The following CRTAC1 variants were observed in gnomAD, a reference collection of about 807,000 sequenced individuals.
CRTAC1 encodes the protein acidic secreted protein in cartilage.
A neutral mutation model predicts 67.8 loss-of-function variants in CRTAC1; 37 were observed. The observed-to-expected ratio is 0.55, with a 90% CI of 0.42 to 0.72. The LOEUF is 0.72. Ranked by LOEUF, CRTAC1 falls within the 30% of genes least tolerant of loss-of-function variation. The probability of loss-of-function intolerance (pLI) is 0.00; values close to 1 mark genes in which losing one functional copy is unlikely to be tolerated. For synonymous variants in CRTAC1, 348 were observed against 371.0 expected, an observed-to-expected ratio of 0.94 and a Z score of 0.71; for missense variants, 780 against 931.6, an observed-to-expected ratio of 0.84 and a Z score of 2.12.
chr10:97,944,991 C>G (rs913885932), intron 2 of CRTAC1, among the ~76,000 whole-genome samples: 2 of 152,144 alleles, frequency 1.3e-5, no homozygotes, highest in African/African-American at 4.8e-5. Flanking sequence ...TCCAGATGAG[C>G]CCTTTCCAAA....
At chr10:97,901,434 C>T (rs1344061567) in intron 8 of CRTAC1, 69 bp downstream of exon 8, 3 of 1,600,866 alleles carry the variant, frequency 1.9e-6, no homozygotes, top group African/African-American at 1.3e-5. Context: ...ATTCTTAAAC[C>T]TTCTCCCTGA....
In CRTAC1 at chr10:98,030,516, C is replaced by T. The variant is rs984741165; in HGVS notation, c.-44G>A. 4.1e-6 allele frequency: 5 copies of T among 1,230,244 alleles called. No homozygotes were observed. The highest frequency in any genetic ancestry group is 6.4e-5 in the East Asian group (2 of 31,496). The allele number at this position is 1,230,244 out of a possible 1,614,324, so 76.2% of individuals were successfully genotyped here. On this transcript the variant is annotated 5_prime_UTR_variant, in exon 1 of 15. Transcript: ENST00000370597. This position sits in a 1 kb window ranked among gnomAD's most constrained non-coding sequence, Gnocchi z 4.2. ...GCCGCCTAGGGGCGTGGGAAGCGGGCGCTCGCTGCCGCCTCTGCCGCCGGC... is the reference window on the plus strand; with the variant it reads ...GCCGCCTAGGGGCGTGGGAAGCGGGTGCTCGCTGCCGCCTCTGCCGCCGGC...
chr10:97,875,361 G>A (rs2050134970), intron 14 of CRTAC1, among the ~76,000 whole-genome samples: 3 of 152,212 alleles, frequency 2.0e-5, no homozygotes, highest in African/African-American at 7.2e-5. Context: ...TTTCCTGGAG[G>A]ATGTTTTTCT....
At chr10:98,009,126 T>C (rs1842857258) in intron 2 of CRTAC1, among the ~76,000 whole-genome samples, 2 of 152,234 alleles carry the variant, frequency 1.3e-5, no homozygotes, top group South Asian at 4.1e-4. Flanking sequence ...AATGATTCCA[T>C]TTCTCCTTTT....
chr10:97,959,641 T>C (rs1019217441), intron 2 of CRTAC1, among the ~76,000 whole-genome samples: 1 of 152,210 alleles, frequency 6.6e-6, no homozygotes, highest in Non-Finnish European at 1.5e-5. Context: ...CCTGGCCCCC[T>C]GCCACTCGGC....
At chr10:97,870,487 C>G (rs1391142181) in intron 14 of CRTAC1, 1 of 152,104 alleles carries the variant, frequency 6.6e-6, no homozygotes, top group Non-Finnish European at 1.5e-5. Flanking sequence ...CTTCTGGGAG[C>G]TCAGGATGTT....
At chr10:97,896,105 C>G in intron 9 of CRTAC1, 120 bp from the exon 10 acceptor site, 1 of 829,530 alleles carries the variant, frequency 1.2e-6, no homozygotes, top group Non-Finnish European at 2.0e-6. Context: ...AGCACAGCAC[C>G]GGGGCAGGAA....
intron 3 of CRTAC1, 150 bp downstream of exon 3, chr10:97,936,020 C>A (rs1204164212): frequency 2.9e-6 from 2 of 685,062 alleles, no homozygotes; most frequent in Non-Finnish European, 4.8e-6. Flanking sequence ...CATTCTGGGA[C>A]CCAGGGAGGT....
chr10:98,017,714 T>G (rs1318431603), intron 1 of CRTAC1, among the ~76,000 whole-genome samples: 3 of 151,464 alleles, frequency 2.0e-5, no homozygotes, highest in Admixed American at 1.3e-4. Context: ...TTTTTTTTTT[T>G]TTGGTGGAGA....
chr10:97,951,701 A>C (rs1441688895), intron 2 of CRTAC1, among the ~76,000 whole-genome samples: 2 of 152,254 alleles, frequency 1.3e-5, no homozygotes, highest in Non-Finnish European at 2.9e-5. Context: ...TGAAAGGTAC[A>C]TGACTATAAT....
At chr10:98,018,026 G>A (rs190527452) in intron 1 of CRTAC1, among the ~76,000 whole-genome samples, 1 of 150,858 alleles carries the variant, frequency 6.6e-6, no homozygotes, top group Non-Finnish European at 1.5e-5. Context: ...GTGAAACCCC[G>A]TCTCTACTAA....
chr10:97,895,494 G>T lies in CRTAC1; in HGVS notation c.1318-81C>A, dbSNP rs978186442. 4.7e-6 allele frequency: 6 copies of T among 1,266,390 alleles called. No individual in the cohort carries two copies. The highest frequency in any genetic ancestry group is 6.5e-6 in the Non-Finnish European group (6 of 918,964). 78.4% of individuals were successfully genotyped at this position (1,266,390 alleles called of 1,614,324 possible). ...GAGCAGGGAGCCAGGGAGGACGGGAGGGGGAGAGGGAGAAGAAGGAGGAAG... is the reference window on the plus strand; with the variant it reads ...GAGCAGGGAGCCAGGGAGGACGGGATGGGGAGAGGGAGAAGAAGGAGGAAG... On this transcript the variant is annotated intron_variant, in intron 10 of 14. Coordinates refer to ENST00000370597, the MANE Select transcript of CRTAC1 (RefSeq NM_018058.7). This position sits in a 1 kb window ranked among gnomAD's most constrained non-coding sequence, Gnocchi z 4.2.
chr10:97,902,619 C>A (rs916351781), intron 7 of CRTAC1, among the ~76,000 whole-genome samples: 8 of 152,128 alleles, frequency 5.3e-5, no homozygotes, highest in African/African-American at 1.9e-4. Context: ...AGCGTAATAT[C>A]CTCATCATAG....
intron 2 of CRTAC1, among the ~76,000 whole-genome samples, chr10:97,959,236 T>C (rs1194180450): frequency 2.0e-5 from 3 of 152,198 alleles, no homozygotes; most frequent in Admixed American, 2.0e-4. Flanking sequence ...ATCATACTCC[T>C]GGCCAAGATT....
At chr10:98,010,176 A>T (rs1470223205) in intron 2 of CRTAC1, among the ~76,000 whole-genome samples, 3 of 151,748 alleles carry the variant, frequency 2.0e-5, no homozygotes, top group Non-Finnish European at 4.4e-5. Flanking sequence ...AGTAGCTGGG[A>T]TTACATGCGC....
At chr10:97,914,084 G>T (rs557939737) in intron 5 of CRTAC1, among the ~76,000 whole-genome samples, 2 of 152,218 alleles carry the variant, frequency 1.3e-5, no homozygotes, top group African/African-American at 4.8e-5. Context: ...GCCTCAAAGG[G>T]TGAGGCCAAA....
chr10:97,922,625 C>T (rs1456553003), intron 4 of CRTAC1, among the ~76,000 whole-genome samples: 2 of 152,242 alleles, frequency 1.3e-5, no homozygotes, highest in African/African-American at 4.8e-5. Flanking sequence ...GCCCCCTCAC[C>T]GGGCAGATGG....
chr10:97,926,633 A>T (rs1251361695), intron 3 of CRTAC1, among the ~76,000 whole-genome samples: 2 of 152,212 alleles, frequency 1.3e-5, no homozygotes, highest in Admixed American at 1.3e-4. Context: ...TTCTGCAGTG[A>T]ATTATATGAA....
chr10:97,929,095 T>C (rs2050964917), intron 3 of CRTAC1, among the ~76,000 whole-genome samples: 1 of 151,734 alleles, frequency 6.6e-6, no homozygotes, highest in South Asian at 2.1e-4. Context: ...GTGAGGGAGC[T>C]GTCCAAAATG....
Sources: allele counts gnomAD v4.1 joint callset (sites outside exome capture counted in the v4.1 genomes callset), GRCh38; gene constraint gnomAD v4.1.1; non-coding constraint Gnocchi (gnomAD v3.1); transcripts MANE v1.5; gene names NCBI Gene and HGNC (gene_info 2026-07-23, HGNC 2026-07-21).